The following BMS1 variants were observed in gnomAD, a reference collection of about 807,000 sequenced individuals.
The protein encoded by BMS1 is BMS1 ribosome biogenesis factor.
A neutral mutation model predicts 138.7 loss-of-function variants in BMS1; 53 were observed. That is an observed-to-expected ratio of 0.38 (90% CI 0.31 to 0.48). BMS1 has a LOEUF of 0.48. BMS1 is among the 20% of genes least tolerant of loss of function. The pLI, the probability that BMS1 is intolerant of heterozygous loss-of-function variation, is 0.97. For missense variants in BMS1, 1,360 were observed against 1,565.5 expected, an observed-to-expected ratio of 0.87 and a Z score of 2.22; for synonymous variants, 504 against 539.9, an observed-to-expected ratio of 0.93 and a Z score of 0.92.
At chr10:42,795,526 G>A (rs1324442348) in intron 9 of BMS1, among the ~76,000 whole-genome samples, 1 of 148,112 alleles carries the variant, frequency 6.8e-6, no homozygotes, top group Non-Finnish European at 1.5e-5. Context: ...TCACCATGTT[G>A]CCCAGGCTGG....
At position 42,833,905 on chromosome 10, in the gene BMS1, A is replaced by G. The variant is rs1842837993; in HGVS notation, c.*2809A>G. On this transcript the variant is annotated 3_prime_UTR_variant, in exon 23 of 23. Transcript: ENST00000374518. ...TTCACCTTGTTGGCACTTGGAGTAG[A>G]GCCACTGAGCTTCGTGCTGCATAAA... 1 of 152,232 alleles carries G rather than the reference A, an allele frequency of 6.6e-6. No individual in the cohort carries two copies. Among genetic ancestry groups the G allele is most frequent in the Non-Finnish European group, 1.5e-5 (1 of 68,042 alleles). 9.4% of individuals were successfully genotyped at this position (152,232 alleles called of 1,614,324 possible).
At chr10:42,783,188 A>G (rs1313538101) in intron 1 of BMS1, among the ~76,000 whole-genome samples, 2 of 152,178 alleles carry the variant, frequency 1.3e-5, no homozygotes, top group Non-Finnish European at 2.9e-5. Flanking sequence ...CTGAACTAAA[A>G]TATAGCAGAG....
At chr10:42,816,546 G>C in intron 13 of BMS1, 53 bp from the exon 14 acceptor site, 1 of 1,482,908 alleles carries the variant, frequency 6.7e-7, no homozygotes, top group Non-Finnish European at 9.2e-7. Context: ...GGTGGGGCCA[G>C]CAGCACATGC....
intron 8 of BMS1, 58 bp from the exon 9 acceptor site, chr10:42,793,794 G>T: frequency 1.3e-6 from 2 of 1,547,482 alleles, no homozygotes; most frequent in Middle Eastern, 2.4e-4. Flanking sequence ...AGTGAAGCTC[G>T]TGTCTCTCCA....
intron 21 of BMS1, among the ~76,000 whole-genome samples, chr10:42,828,001 T>A (rs970183305): frequency 6.6e-6 from 1 of 152,230 alleles, no homozygotes; most frequent in African/African-American, 2.4e-5. Context: ...TTTAATAAGC[T>A]TTTTATTGAA....
intron 4 of BMS1, among the ~76,000 whole-genome samples, chr10:42,789,270 A>G (rs1364631061): frequency 1.3e-5 from 2 of 152,224 alleles, no homozygotes; most frequent in Non-Finnish European, 2.9e-5. Context: ...GAGCTGGTCC[A>G]GTGTTGCTGA....
Position 42,791,764 on chromosome 10 carries a change from A to G in BMS1, c.774A>G (p.Ala258=). The G allele has an allele frequency of 6.3e-7, 1 of 1,599,508 alleles. No individual in the cohort carries two copies. The highest frequency in any genetic ancestry group is 8.5e-7 in the Non-Finnish European group (1 of 1,176,430). ...AAACTTCTCACCCTTATATCCTGGC[A>G]GACAGGTAAAATATGATTTTAAGCT... ...TWQTSHPYIL[A]DRMEDLTNPE... The change falls in exon 6 of 23, where the codon GCA becomes GCG. Residue 258 remains alanine, a synonymous_variant. Transcript: ENST00000374518.
rs1055481613 is a variant in BMS1, at chr10:42,831,854, T to A, written c.*758T>A. On this transcript the variant is annotated 3_prime_UTR_variant, in exon 23 of 23. Transcript: ENST00000374518. ...CCTGCCTAGCTACATTGCCTTTTTT[T>A]AAATTAAACATTATGTTGAAGTAAT... 3 of 152,234 alleles carry A rather than the reference T, an allele frequency of 2.0e-5. No individual in the cohort carries two copies. Among genetic ancestry groups the A allele is most frequent in the Non-Finnish European group, 4.4e-5 (3 of 68,048 alleles). 9.4% of individuals were successfully genotyped at this position (152,234 alleles called of 1,614,324 possible).
At position 42,797,521 on chromosome 10, in the gene BMS1, C is replaced by A. The variant is rs747152820; in HGVS notation, c.2087C>A (p.Thr696Lys). 1 of 1,613,764 alleles carries A rather than the reference C, an allele frequency of 6.2e-7. No homozygotes were observed. Among genetic ancestry groups the A allele is most frequent in the South Asian group, 1.1e-5 (1 of 91,064 alleles). ...APNLRKLIYG[T>K]VTEDNEEEDD... ...AACCTCCGAAAGCTTATTTATGGGA[C>A]AGGTAAAGAATTCTGGTTCAGAACT... Residue 696 changes from threonine to lysine, a missense_variant and splice_region_variant, in exon 11 of 23, where the codon ACA becomes AAA. Physicochemically the swap from Thr to Lys is moderately conservative, Grantham distance 78. Around this residue, in one of 3 missense-constraint regions of BMS1, gnomAD observed 697 missense variants for 686.2 expected, o/e 1.02. Coordinates refer to ENST00000374518, the MANE Select transcript of BMS1 (RefSeq NM_014753.4).
At chr10:42,799,726 TC>T (rs1393301250) in intron 12 of BMS1, among the ~76,000 whole-genome samples, 1 of 152,156 alleles carries the variant, frequency 6.6e-6, no homozygotes, top group Non-Finnish European at 1.5e-5. Flanking sequence ...CCAGCCACAG[TC>T]CCCTTCCTCC....
chr10:42,807,491 G>A (rs1433720488), intron 13 of BMS1, among the ~76,000 whole-genome samples: 1 of 152,094 alleles, frequency 6.6e-6, no homozygotes, highest in East Asian at 1.9e-4. Context: ...TTTGTTTTCA[G>A]ACAGGGTCTT....
At chr10:42,790,028 G>A (rs938305575) in intron 4 of BMS1, among the ~76,000 whole-genome samples, 1 of 152,168 alleles carries the variant, frequency 6.6e-6, no homozygotes, top group African/African-American at 2.4e-5. Flanking sequence ...CTCTGTCTGG[G>A]TGATGCCTGT....
At position 42,816,619 on chromosome 10, in the gene BMS1, G is replaced by A; in HGVS notation, c.2350G>A (p.Glu784Lys). 6.2e-7 allele frequency: 1 copy of A among 1,611,244 alleles called. No individual in the cohort carries two copies. Among genetic ancestry groups the A allele is most frequent in the Non-Finnish European group, 8.5e-7 (1 of 1,179,606 alleles). Residue 784 changes from glutamate (E) to lysine (K), a missense_variant, in exon 14 of 23, where the codon GAA becomes AAA. Glu to Lys is a moderately conservative substitution (Grantham distance 56, BLOSUM62 1). This residue lies in a region of BMS1 where 697 missense variants were observed against 686.2 expected (regional missense o/e 1.02). Transcript: ENST00000374518. ...CCCAGAGGAGCTCTACGGTGACTTT[G>A]AAGACTTGGAAACAGGGGACGTGCA... Reference protein sequence around the residue: ...AEDEELYGDFEDLETGDVHKG... With the variant: ...AEDEELYGDFKDLETGDVHKG...
chr10:42,802,188 A>T lies in BMS1; in HGVS notation c.2299A>T (p.Lys767Ter). The T allele has an allele frequency of 6.2e-7, 1 of 1,613,666 alleles. No homozygotes were observed. The highest frequency in any genetic ancestry group is 8.5e-7 in the Non-Finnish European group (1 of 1,179,746). ...CGTGACTGGAAAGTGGGAAGATGAT[A>T]AAGATGCAGCCAAGGTCTTAGCAGA... is the stretch of plus-strand genomic sequence containing the variant. ...CFVTGKWEDD[K>*]DAAKVLAEDE... is the part of the protein sequence containing the mutation. The change falls in exon 13 of 23, where the codon AAA becomes TAA. Residue 767 changes from lysine (K) to a stop codon, truncating the protein, a stop_gained. Coordinates refer to ENST00000374518, the MANE Select transcript of BMS1 (RefSeq NM_014753.4). LOFTEE classifies it high-confidence loss of function.
Position 42,788,459 on chromosome 10 carries a change from G to T in BMS1, c.447+1212G>T, listed in dbSNP as rs577480106. Among the ~76,000 whole-genome samples the T allele has an allele frequency of 6.6e-5, 10 of 152,142 alleles. No homozygotes were observed. In the South Asian group the frequency reaches 1.7e-3, roughly 25 times the overall value. ...GTGATGATCAAATCAGGGTAATTAG[G>T]ATATCCATCACCTCAAACATTTATC... On this transcript the variant is annotated intron_variant, in intron 4 of 22. Coordinates refer to ENST00000374518, the MANE Select transcript of BMS1 (RefSeq NM_014753.4).
In BMS1 at chr10:42,812,428, C is replaced by T. The variant is rs181806743; in HGVS notation, c.2330-4171C>T. Among the ~76,000 whole-genome samples, 296 of 152,342 alleles carry T rather than the reference C, an allele frequency of 1.9e-3. 3 individuals are homozygous for T. Among genetic ancestry groups the T allele is most frequent in the Non-Finnish European group, 3.8e-3 (258 of 68,032 alleles). ...GTGCTGGGATTACAGGCATGAGCCA[C>T]TGTGCCCGGCCTCCGCCTAGTTTTA... On this transcript the variant is annotated intron_variant, in intron 13 of 22. Transcript: ENST00000374518.
chr10:42,834,577 T>A lies in BMS1; in HGVS notation c.*3481T>A, dbSNP rs1842844672. The A allele has an allele frequency of 6.6e-6, 1 of 152,150 alleles. No homozygotes were observed. The highest frequency in any genetic ancestry group is 1.5e-5 in the Non-Finnish European group (1 of 68,024). The allele number at this position is 152,150 out of a possible 1,614,324, so 9.4% of individuals were successfully genotyped here. A position where few individuals can be genotyped will look rare whatever the true frequency, so the allele number is the denominator to read the frequency against. ...TTTAAAGTATTGTACATTTTTATAATCCTTTAACAAGACAAAAGGTTGAGA... is the reference window on the plus strand; with the variant it reads ...TTTAAAGTATTGTACATTTTTATAAACCTTTAACAAGACAAAAGGTTGAGA... On this transcript the variant is annotated 3_prime_UTR_variant, in exon 23 of 23. Coordinates refer to ENST00000374518, the MANE Select transcript of BMS1 (RefSeq NM_014753.4).
Position 42,796,588 on chromosome 10 carries a change from T to G in BMS1, c.1344T>G (p.Asp448Glu). The G allele has an allele frequency of 6.2e-7, 1 of 1,614,046 alleles. No homozygotes were observed. Among genetic ancestry groups the G allele is most frequent in the Middle Eastern group, 1.6e-4 (1 of 6,062 alleles). Residue 448 changes from aspartate (D) to glutamate (E), a missense_variant, in exon 10 of 23, where the codon GAT becomes GAG. Coordinates refer to ENST00000374518, the MANE Select transcript of BMS1 (RefSeq NM_014753.4). ...ESGDSDDEED[D>E]EMSEDDGLEN... is the part of the protein sequence containing the mutation. ...GAGATAGTGATGATGAAGAAGATGA[T>G]GAAATGTCTGAAGATGACGGGTTGG... is the stretch of plus-strand genomic sequence containing the variant.
chr10:42,796,432 A>G (rs1841683441), intron 9 of BMS1, 42 bp from the exon 10 acceptor site: 16 of 1,554,700 alleles, frequency 1.0e-5, no homozygotes, highest in Non-Finnish European at 1.4e-5. Flanking sequence ...TTAGCTGATT[A>G]ATGTACAAAT....
Sources: gnomAD v4.1 joint callset for allele counts (sites outside exome capture counted in the v4.1 genomes callset) on GRCh38, gnomAD v4.1.1 for gene constraint, gnomAD v4.1.1 regional missense constraint, MANE v1.5 for transcripts, NCBI Gene and HGNC (gene_info 2026-07-23, HGNC 2026-07-21) for gene names.